The following QSOX2 variants were observed in gnomAD, a reference collection of about 807,000 sequenced individuals.
QSOX2 encodes sulfhydryl oxidase 2.
Under a neutral mutation model 61.7 loss-of-function variants are expected in QSOX2, and 46 were observed. The observed-to-expected ratio is 0.75, with a 90% confidence interval of 0.59 to 0.95. The LOEUF (loss-of-function observed/expected upper bound fraction) is 0.95. Among genes scored for constraint, QSOX2 ranks in the 40% least tolerant of loss-of-function variants. The pLI is 0.00. For synonymous variants in QSOX2, 383 were observed against 388.4 expected, an observed-to-expected ratio of 0.99 and a Z score of 0.16; for missense variants, 879 against 918.9, an observed-to-expected ratio of 0.96 and a Z score of 0.56.
intron 1 of QSOX2, among the ~76,000 whole-genome samples, chr9:136,236,806 G>A (rs560330087): frequency 2.7e-5 from 4 of 148,864 alleles, no homozygotes; most frequent in Admixed American, 6.7e-5. Context: ...CCTGGAGCCC[G>A]TCCTGGGCCT....
intron 7 of QSOX2, 21 bp from the exon 8 acceptor site, chr9:136,218,829 G>A (rs754363653): frequency 3.0e-5 from 49 of 1,608,136 alleles, no homozygotes; most frequent in African/African-American, 8.0e-5. Context: ...ATATGGCAGC[G>A]TCAGGGAATG....
chr9:136,217,291 G>C (rs999677163), intron 8 of QSOX2, among the ~76,000 whole-genome samples: 1 of 152,202 alleles, frequency 6.6e-6, no homozygotes, highest in Admixed American at 6.5e-5. Flanking sequence ...GTCTTTTTAG[G>C]AGAAACTCTG....
chr9:136,224,406 C>A (rs7047985), intron 3 of QSOX2, among the ~76,000 whole-genome samples: 1,684 of 152,240 alleles, frequency 0.011, 28 homozygotes, highest in African/African-American at 0.038. Flanking sequence ...GCAGGCCAGG[C>A]GGCTCCACTG....
In QSOX2 at chr9:136,218,770, T is replaced by C. The variant is rs758688345; in HGVS notation, c.995A>G (p.His332Arg). 22 of 1,613,592 alleles carry C rather than the reference T, an allele frequency of 1.4e-5. No individual in the cohort carries two copies. The highest frequency in any genetic ancestry group is 1.9e-5 in the Non-Finnish European group (22 of 1,180,016). Reference protein sequence around the residue: ...LYTVDLESGLHYLLRVELAAH... With the variant: ...LYTVDLESGLRYLLRVELAAH... ...TGCCAGCTCCACCCGCAGGAGGTAGTGTAGCCCTGACTCCAGGTCCACCGT... is the reference window on the plus strand; with the variant it reads ...TGCCAGCTCCACCCGCAGGAGGTAGCGTAGCCCTGACTCCAGGTCCACCGT... Residue 332 changes from histidine to arginine, a missense_variant, in exon 8 of 12, where the codon CAC (histidine) becomes CGC (arginine). Coordinates refer to ENST00000358701, the MANE Select transcript of QSOX2 (RefSeq NM_181701.4).
At position 136,223,510 on chromosome 9, in the gene QSOX2, T is replaced by C. The variant is rs551609430; in HGVS notation, c.675+253A>G. Among the ~76,000 whole-genome samples the C allele has an allele frequency of 1.6e-4, 24 of 152,202 alleles. No homozygotes were observed. The highest frequency in any genetic ancestry group is 1.2e-3 in the Admixed American group (19 of 15,282). ...GATCTTCTGCAAAGCCCCCTCTTAG[T>C]TTCAAACCTAGGGTTAGGCCACCTT... On this transcript the variant is annotated intron_variant, in intron 5 of 11. Transcript: ENST00000358701. This position sits in a 1 kb window ranked among gnomAD's most constrained non-coding sequence, Gnocchi z 4.4.
In QSOX2 at chr9:136,236,390, C is replaced by T. The variant is rs577368486; in HGVS notation, c.328+9086G>A. On this transcript the variant is annotated intron_variant, in intron 1 of 11. Transcript: ENST00000358701. ...GACGGATATTCACAGGTATCTGAAACAGGACGCCCTCTGAAACAGGCCGCA... is the reference window on the plus strand; with the variant it reads ...GACGGATATTCACAGGTATCTGAAATAGGACGCCCTCTGAAACAGGCCGCA... 9.2e-5 allele frequency among the ~76,000 whole-genome samples: 14 copies of T among 152,374 alleles called. No individual in the cohort carries two copies. The South Asian group carries it at 2.7e-3, about 29-fold the overall frequency.
chr9:136,242,832 C>T (rs553787346), intron 1 of QSOX2, among the ~76,000 whole-genome samples: 71 of 152,342 alleles, frequency 4.7e-4, no homozygotes, highest in African/African-American at 1.5e-3. Flanking sequence ...CCTTTCTACC[C>T]GGACTCTACC....
intron 9 of QSOX2, 47 bp downstream of exon 9, chr9:136,216,553 C>T (rs190475585): frequency 8.8e-5 from 141 of 1,602,858 alleles, no homozygotes; most frequent in East Asian, 6.5e-4. Context: ...GGAAGGAAGG[C>T]GAGGGAAGGA....
chr9:136,215,394 G>A, intron 9 of QSOX2, 90 bp from the exon 10 acceptor site: 1 of 1,035,220 alleles, frequency 9.7e-7, no homozygotes. Flanking sequence ...TGACTGGGGG[G>A]GGTGGATAAT....
chr9:136,227,954 GA>G (rs113139400), intron 1 of QSOX2, among the ~76,000 whole-genome samples: 189 of 145,668 alleles, frequency 1.3e-3, no homozygotes, highest in African/African-American at 4.1e-3. Flanking sequence ...TCCACCTTAA[GA>G]AAAAAAAAAA....
intron 1 of QSOX2, among the ~76,000 whole-genome samples, chr9:136,231,879 CCTCCACCCCCTCCACCCT>C (rs1326730240): frequency 9.0e-5 from 13 of 145,152 alleles, no homozygotes; most frequent in South Asian, 2.3e-4. Context: ...CAATCCGCCC[CCTCCACCCCCTCCACCCT>C]CTCCACCCCC....
Position 136,245,714 on chromosome 9 carries a change from G to A in QSOX2, c.90C>T (p.Ala30=). 3 of 1,143,556 alleles carry A rather than the reference G, an allele frequency of 2.6e-6. No individual in the cohort carries two copies. Among genetic ancestry groups the A allele is most frequent in the South Asian group, 4.2e-5 (1 of 23,664 alleles). 70.8% of individuals were successfully genotyped at this position (1,143,556 alleles called of 1,614,324 possible). The change falls in exon 1 of 12, where the codon GCC becomes GCT. Residue 30 remains alanine, a synonymous_variant. Transcript: ENST00000358701. The stretch of plus-strand genomic sequence containing the variant: ...GCACTAGCAGCCGCGGCAGCCGTGC[G>A]GCCCGCGGCGGGGGCGAGCGCCGGG... ...LRARRSPPPR[A]ARLPRLLVLL... is the part of the protein sequence containing the mutation.
At chr9:136,218,113 G>C (rs1017020384) in intron 8 of QSOX2, among the ~76,000 whole-genome samples, 1 of 152,194 alleles carries the variant, frequency 6.6e-6, no homozygotes, top group African/African-American at 2.4e-5. Context: ...GTCCTCTTCA[G>C]CCTGACCCTG....
In QSOX2 at chr9:136,223,767, C is replaced by T. The variant is rs750834525; in HGVS notation, c.671G>A (p.Arg224Gln). ...GAGCCCACGCAGAGGCCGTACCTCC[C>T]GTCCAAGGTAGGAGCTGTTGCTTTC... ...VFESNSSYLG[R>Q]EVILDLIPYE... Residue 224 changes from arginine to glutamine, a missense_variant, in exon 5 of 12, where the codon CGG becomes CAG. Coordinates refer to ENST00000358701, the MANE Select transcript of QSOX2 (RefSeq NM_181701.4). The surrounding 1 kb of genome is among the most constrained non-coding windows in gnomAD (Gnocchi z 4.4). The T allele has an allele frequency of 2.5e-6, 4 of 1,613,670 alleles. No homozygotes were observed. The highest frequency in any genetic ancestry group is 1.7e-5 in the Admixed American group (1 of 59,990).
At chr9:136,244,911 G>T (rs1830458530) in intron 1 of QSOX2, among the ~76,000 whole-genome samples, 1 of 152,204 alleles carries the variant, frequency 6.6e-6, no homozygotes, top group Non-Finnish European at 1.5e-5. Context: ...GGACTTCTAA[G>T]TTGTGGGTTC....
intron 1 of QSOX2, among the ~76,000 whole-genome samples, chr9:136,236,885 G>A (rs1466060760): frequency 7.1e-6 from 1 of 140,474 alleles, no homozygotes; most frequent in African/African-American, 2.7e-5. Flanking sequence ...GCCCTTCCTG[G>A]GCTGGTGTCA....
In QSOX2 at chr9:136,245,741, T is replaced by C; in HGVS notation, c.63A>G (p.Arg21=). 1.7e-6 allele frequency: 2 copies of C among 1,149,476 alleles called. No individual in the cohort carries two copies. The highest frequency in any genetic ancestry group is 2.1e-6 in the Non-Finnish European group (2 of 936,280). The allele number at this position is 1,149,476 out of a possible 1,614,324, so 71.2% of individuals were successfully genotyped here. The change falls in exon 1 of 12, where the codon AGA becomes AGG. Residue 21 remains arginine, a synonymous_variant. Coordinates refer to ENST00000358701, the MANE Select transcript of QSOX2 (RefSeq NM_181701.4). ...CCCGCGGCGGGGGCGAGCGCCGGGC[T>C]CTCAGCGCAGGTCCCGCTCCGATTC... ...SPGIGAGPAL[R]ARRSPPPRAA...
chr9:136,225,520 G>A (rs1384227038), intron 2 of QSOX2, among the ~76,000 whole-genome samples: 1 of 152,244 alleles, frequency 6.6e-6, no homozygotes, highest in Admixed American at 6.5e-5. Flanking sequence ...TGGCACTGCA[G>A]CCGCCAGGGA....
chr9:136,206,963 A>AAC lies in QSOX2; in HGVS notation c.*1763_*1764dup, dbSNP rs1831772512. The AAC allele has an allele frequency of 6.6e-6, 1 of 152,404 alleles. No homozygotes were observed. The highest frequency in any genetic ancestry group is 1.5e-5 in the Non-Finnish European group (1 of 68,052). 9.4% of individuals were successfully genotyped at this position (152,404 alleles called of 1,614,324 possible). ...TGCCTGGTTTTCAAACTGGAAGAGA[A>AAC]ACACTTTGGTGTCTTCAATAACCCA... On this transcript the variant is annotated 3_prime_UTR_variant, in exon 12 of 12. Coordinates refer to ENST00000358701, the MANE Select transcript of QSOX2 (RefSeq NM_181701.4).
Sources: allele counts gnomAD v4.1 joint callset (sites outside exome capture counted in the v4.1 genomes callset), GRCh38; gene constraint gnomAD v4.1.1; non-coding constraint Gnocchi (gnomAD v3.1); transcripts MANE v1.5; gene names NCBI Gene and HGNC (gene_info 2026-07-23, HGNC 2026-07-21).